MMP26: variants seen among roughly 807,000 people sequenced by gnomAD.
The protein encoded by MMP26 is matrix metallopeptidase 26.
MMP26 carries 33 observed loss-of-function variants against 31.0 expected under a neutral mutation model. That is an observed-to-expected ratio of 1.06 (90% confidence interval 0.81 to 1.42). MMP26 has a LOEUF of 1.42. MMP26 is among the 40% of genes most tolerant of loss of function. The probability of loss-of-function intolerance (pLI) is 0.00; values close to 1 mark genes in which losing one functional copy is unlikely to be tolerated. For missense variants in MMP26, 347 were observed against 316.1 expected, an observed-to-expected ratio of 1.10 and a Z score of -0.74; for synonymous variants, 122 against 114.9, an observed-to-expected ratio of 1.06 and a Z score of -0.40.
chr11:4,972,431 T>C (rs1263077766), intron 2 of MMP26, among the ~76,000 whole-genome samples: 1 of 152,210 alleles, frequency 6.6e-6, no homozygotes, highest in Non-Finnish European at 1.5e-5. Context: ...GCATTGTTTA[T>C]TTTATTTTTA....
chr11:4,992,188 G>GT (rs1476811729), intron 7 of MMP26, 26 bp from the exon 8 acceptor site: 10 of 1,470,686 alleles, frequency 6.8e-6, no homozygotes, highest in South Asian at 4.7e-5. Context: ...GAAATTTACT[G>GT]TTGTTTTTTT....
chr11:4,845,283 C>T lies in MMP26; in HGVS notation c.-145+77942C>T, dbSNP rs183874891. On this transcript the variant is annotated intron_variant, in intron 2 of 7. Transcript: ENST00000380390. Reference sequence around the variant, plus strand: ...GGGTACCAAGAAATTGAAAAGTATTCTAAGTTCATGGACTGAAAGAATAAA... The same window carrying T: ...GGGTACCAAGAAATTGAAAAGTATTTTAAGTTCATGGACTGAAAGAATAAA... Among the ~76,000 whole-genome samples the T allele has an allele frequency of 7.3e-3, 1,118 of 152,144 alleles. 8 individuals carry two copies. The highest frequency in any genetic ancestry group is 0.01 in the Middle Eastern group (3 of 292).
chr11:4,759,084 C>T (rs1443405877), intron 1 of MMP26, among the ~76,000 whole-genome samples: 8 of 133,160 alleles, frequency 6.0e-5, no homozygotes, highest in Non-Finnish European at 1.1e-4. Context: ...GCATTCCAGC[C>T]TGGGCAACAA....
chr11:4,899,133 A>G (rs570724194), intron 2 of MMP26, among the ~76,000 whole-genome samples: 2 of 152,322 alleles, frequency 1.3e-5, no homozygotes, highest in African/African-American at 4.8e-5. Flanking sequence ...GAATAATTCC[A>G]GGAAAGGACT....
At chr11:4,804,652 A>G (rs768793527) in intron 2 of MMP26, 8 of 552,784 alleles carry the variant, frequency 1.4e-5, no homozygotes, top group Admixed American at 4.4e-5. Context: ...TTAAGAATCA[A>G]TATTTTTCTT....
At chr11:4,824,921 G>T (rs1414752224) in intron 2 of MMP26, among the ~76,000 whole-genome samples, 1 of 152,032 alleles carries the variant, frequency 6.6e-6, no homozygotes, top group Non-Finnish European at 1.5e-5. Context: ...ACACCTTCAA[G>T]ATCCACTCTA....
Position 4,990,665 on chromosome 11 carries a change from A to C in MMP26, c.388A>C (p.Ile130Leu). Residue 130 changes from isoleucine to leucine, a missense_variant, in exon 5 of 8, where the codon ATC (isoleucine) becomes CTC (leucine). Transcript: ENST00000380390. ...AGACAGTATATATAATGCAGTTTCCATCTGGAGCAATGTGACCCCTTTGAT... is the reference window on the plus strand; with the variant it reads ...AGACAGTATATATAATGCAGTTTCCCTCTGGAGCAATGTGACCCCTTTGAT... Reference protein sequence around the residue: ...VKDSIYNAVSIWSNVTPLIFQ... With the variant: ...VKDSIYNAVSLWSNVTPLIFQ... 6.2e-7 allele frequency: 1 copy of C among 1,614,152 alleles called. No individual in the cohort carries two copies. Among genetic ancestry groups the C allele is most frequent in the Non-Finnish European group, 8.5e-7 (1 of 1,179,996 alleles).
intron 2 of MMP26, among the ~76,000 whole-genome samples, chr11:4,801,776 G>C (rs751243210): frequency 1.3e-5 from 2 of 151,872 alleles, no homozygotes; most frequent in Admixed American, 6.6e-5. Flanking sequence ...TCTTGACCTC[G>C]TGATCCGCCT....
chr11:4,751,819 T>C (rs561640179), intron 1 of MMP26, among the ~76,000 whole-genome samples: 7 of 152,244 alleles, frequency 4.6e-5, no homozygotes, highest in African/African-American at 1.7e-4. Context: ...TAGTCATCTG[T>C]TGGAACAAGG....
At chr11:4,770,349 A>G (rs2898968) in intron 2 of MMP26, among the ~76,000 whole-genome samples, 28,116 of 152,094 alleles carry the variant, frequency 0.18, 3,933 homozygotes, top group African/African-American at 0.39. Flanking sequence ...CCATAAGGGT[A>G]TGAGTCTGCA....
At chr11:4,894,537 A>G (rs1254277800) in intron 2 of MMP26, among the ~76,000 whole-genome samples, 2 of 152,174 alleles carry the variant, frequency 1.3e-5, no homozygotes, top group Non-Finnish European at 2.9e-5. Context: ...TCATTGCCCT[A>G]TAGAGTCCCA....
chr11:4,759,737 G>A (rs1230326135), intron 1 of MMP26, among the ~76,000 whole-genome samples: 1 of 152,106 alleles, frequency 6.6e-6, no homozygotes, highest in Non-Finnish European at 1.5e-5. Flanking sequence ...AGCTTCTTTG[G>A]TGTTTTCCAA....
chr11:4,818,282 C>T (rs1051990379), intron 2 of MMP26, among the ~76,000 whole-genome samples: 4 of 152,108 alleles, frequency 2.6e-5, no homozygotes, highest in African/African-American at 4.8e-5. Context: ...TCCATCATTA[C>T]CATTTCTTCT....
chr11:4,881,570 TA>T (rs1270909712), intron 2 of MMP26, among the ~76,000 whole-genome samples: 2 of 152,100 alleles, frequency 1.3e-5, no homozygotes, highest in African/African-American at 2.4e-5. Context: ...AAAAGGATAT[TA>T]AAAAATTGTA....
chr11:4,843,759 C>A (rs1486741197), intron 2 of MMP26, among the ~76,000 whole-genome samples: 2 of 152,158 alleles, frequency 1.3e-5, no homozygotes, highest in Non-Finnish European at 2.9e-5. Flanking sequence ...TAATTTATCC[C>A]CAGAAAAATA....
At chr11:4,806,419 A>C (rs1343600617) in intron 2 of MMP26, among the ~76,000 whole-genome samples, 2 of 152,098 alleles carry the variant, frequency 1.3e-5, no homozygotes, top group Non-Finnish European at 2.9e-5. Flanking sequence ...TATTGGGTGC[A>C]TATATATTTA....
chr11:4,924,068 G>C (rs768925181), intron 2 of MMP26: 1 of 1,614,138 alleles, frequency 6.2e-7, no homozygotes, highest in Admixed American at 1.7e-5. Context: ...AATCTCTCTG[G>C]TATCAAACCA....
intron 1 of MMP26, among the ~76,000 whole-genome samples, chr11:4,725,120 C>T (rs1848081277): frequency 1.3e-5 from 2 of 152,170 alleles, no homozygotes; most frequent in South Asian, 4.1e-4. Flanking sequence ...AAGTGTTGTT[C>T]CCTTTTGCCT....
intron 2 of MMP26, among the ~76,000 whole-genome samples, chr11:4,932,099 C>T (rs897842145): frequency 6.6e-6 from 1 of 152,082 alleles, no homozygotes; most frequent in East Asian, 1.9e-4. Context: ...TAGAGTTGTT[C>T]CATTTTGAAC....
Sources: gnomAD v4.1 joint callset for allele counts (sites outside exome capture counted in the v4.1 genomes callset) on GRCh38, gnomAD v4.1.1 for gene constraint, MANE v1.5 for transcripts, NCBI Gene and HGNC (gene_info 2026-07-23, HGNC 2026-07-21) for gene names.